VWA3B: variants seen among roughly 807,000 people sequenced by gnomAD.
VWA3B encodes the protein von Willebrand factor A domain-containing protein 3B.
In VWA3B, 138 loss-of-function variants were observed where a neutral mutation model predicts 158.3. The ratio of observed to expected loss-of-function variants is 0.87; its 90% CI spans 0.76 to 1.00. The LOEUF (loss-of-function observed/expected upper bound fraction) is 1.00, where lower values mean the gene tolerates loss of function less well. Ranked by LOEUF, VWA3B falls within the 50% of genes least tolerant of loss-of-function variation. The pLI is 0.00. For synonymous variants in VWA3B, 596 were observed against 587.3 expected (o/e 1.01, Z -0.21); for missense variants, 1,555 against 1,565.1 (o/e 0.99, Z 0.11).
intron 22 of VWA3B, among the ~76,000 whole-genome samples, chr2:98,284,024 A>AC (rs975252675): frequency 2.0e-5 from 3 of 152,180 alleles, no homozygotes; most frequent in Non-Finnish European, 4.4e-5. Context: ...TTCACCACCC[A>AC]CCAGTGATGG....
chr2:98,273,525 G>T (rs368493447), intron 22 of VWA3B, among the ~76,000 whole-genome samples: 1 of 152,172 alleles, frequency 6.6e-6, no homozygotes, highest in East Asian at 1.9e-4. Flanking sequence ...TGCATGCCCT[G>T]TGGGCACCTA....
chr2:98,208,390 A>C (rs1177899002), intron 12 of VWA3B, among the ~76,000 whole-genome samples: 1 of 151,782 alleles, frequency 6.6e-6, no homozygotes, highest in African/African-American at 2.4e-5. Context: ...TAAGTGTCTC[A>C]TTTTATTTAT....
At chr2:98,220,227 G>T (rs1297247008) in intron 14 of VWA3B, among the ~76,000 whole-genome samples, 7 of 150,864 alleles carry the variant, frequency 4.6e-5, no homozygotes, top group Non-Finnish European at 8.9e-5. Flanking sequence ...CAACAAGCCT[G>T]CGGTACCAGA....
intron 26 of VWA3B, among the ~76,000 whole-genome samples, chr2:98,305,153 A>G (rs771135462): frequency 1.9e-4 from 28 of 150,920 alleles, no homozygotes; most frequent in Non-Finnish European, 3.5e-4. Flanking sequence ...TTGCCCCTCT[A>G]CCTCTCTGGG....
intron 21 of VWA3B, among the ~76,000 whole-genome samples, chr2:98,269,090 G>A (rs1351191485): frequency 6.6e-6 from 1 of 151,992 alleles, no homozygotes; most frequent in African/African-American, 2.4e-5. Flanking sequence ...ATTTGATTGG[G>A]CCATTTCCTC....
chr2:98,147,865 G>A (rs1299416478), intron 7 of VWA3B, among the ~76,000 whole-genome samples: 14 of 58,890 alleles, frequency 2.4e-4, no homozygotes, highest in Admixed American at 6.5e-4. Context: ...CCCACCCCAC[G>A]ACAGGCCCCT....
chr2:98,214,648 T>G (rs1335116077), intron 13 of VWA3B, among the ~76,000 whole-genome samples: 1 of 152,240 alleles, frequency 6.6e-6, no homozygotes, highest in African/African-American at 2.4e-5. Flanking sequence ...ATTCTGCACC[T>G]TTATTCGTCA....
intron 8 of VWA3B, chr2:98,179,102 C>CTCTT (rs1351418455): frequency 7.3e-6 from 3 of 408,508 alleles, no homozygotes; most frequent in African/African-American, 6.2e-5. Context: ...CCACCATGGT[C>CTCTT]TCTTTCATCC....
chr2:98,329,668 A>G, the VWA3B span, among the ~76,000 whole-genome samples: 1 of 152,138 alleles, frequency 6.6e-6, no homozygotes, highest in Admixed American at 6.6e-5. Flanking sequence ...ATTCAAGAAA[A>G]CACTTCTAGG....
At chr2:98,286,057 A>G (rs372336112) in intron 22 of VWA3B, among the ~76,000 whole-genome samples, 5 of 151,934 alleles carry the variant, frequency 3.3e-5, no homozygotes, top group Admixed American at 6.5e-5. Flanking sequence ...TTTTTTCTTA[A>G]TTTCATTTTC....
At chr2:98,289,158 T>C (rs947870109) in intron 22 of VWA3B, among the ~76,000 whole-genome samples, 3 of 152,238 alleles carry the variant, frequency 2.0e-5, no homozygotes, top group Non-Finnish European at 4.4e-5. Context: ...TCCTTCAGTA[T>C]GTAAAATTAC....
intron 23 of VWA3B, among the ~76,000 whole-genome samples, chr2:98,294,203 CA>C (rs751689571): frequency 0.026 from 1,483 of 56,190 alleles, 1 homozygote; most frequent in South Asian, 0.065. Context: ...CACACACACA[CA>C]AAAAAAAAAA....
chr2:98,229,685 C>A (rs971823727), intron 15 of VWA3B, among the ~76,000 whole-genome samples: 1 of 152,158 alleles, frequency 6.6e-6, no homozygotes, highest in Non-Finnish European at 1.5e-5. Flanking sequence ...TTCACTCCTA[C>A]GAATCCTCCC....
Position 98,270,721 on chromosome 2 carries a change from AAC to A in VWA3B, c.2885_2886del (p.Thr962SerfsTer24), listed in dbSNP as rs749328174. ...AACCAATACAGTACTTGGAAAACAA[AAC>A]AGTTTTAAACCAGGCTTTAGAACGG... ...NKPIQYLENKTVLNQALERLN... is the reference protein window; with the variant it reads ...NKPIQYLENKXVLNQALERLN... On this transcript the variant is annotated frameshift_variant, in exon 22 of 28. Transcript: ENST00000477737. LOFTEE classifies it high-confidence loss of function. The A allele has an allele frequency of 1.2e-6, 2 of 1,614,036 alleles. No homozygotes were observed. Among genetic ancestry groups the A allele is most frequent in the Non-Finnish European group, 1.7e-6 (2 of 1,179,990 alleles).
intron 12 of VWA3B, chr2:98,206,831 C>T (rs1683061627): frequency 2.6e-6 from 1 of 380,444 alleles, no homozygotes; most frequent in Non-Finnish European, 5.1e-6. Context: ...GCCCATGGTG[C>T]TTAATCTGGG....
At chr2:98,117,369 A>C (rs1674611476) in intron 3 of VWA3B, among the ~76,000 whole-genome samples, 2 of 152,132 alleles carry the variant, frequency 1.3e-5, no homozygotes, top group African/African-American at 4.8e-5. Flanking sequence ...ATGCTTTCAG[A>C]GGGCCAACGC....
chr2:98,190,290 A>G (rs1681467369), intron 10 of VWA3B, among the ~76,000 whole-genome samples: 1 of 152,188 alleles, frequency 6.6e-6, no homozygotes, highest in Non-Finnish European at 1.5e-5. Context: ...CACTTCATGT[A>G]TATTACAGGA....
chr2:98,243,414 A>T (rs955474647), intron 19 of VWA3B, among the ~76,000 whole-genome samples: 1 of 151,782 alleles, frequency 6.6e-6, no homozygotes. Flanking sequence ...GTTCACTGCA[A>T]CCTCTGTCTC....
At chr2:98,234,890 A>C in intron 17 of VWA3B, 123 bp downstream of exon 17, 1 of 1,379,942 alleles carries the variant, frequency 7.2e-7, no homozygotes, top group East Asian at 2.5e-5. Context: ...ATTGCTTCCT[A>C]TTCAAAGGAA....
Sources: allele counts gnomAD v4.1 joint callset (sites outside exome capture counted in the v4.1 genomes callset), GRCh38; gene constraint gnomAD v4.1.1; transcripts MANE v1.5; gene names NCBI Gene and HGNC (gene_info 2026-07-23, HGNC 2026-07-21).